PTDSS1: variants seen among roughly 807,000 people sequenced by gnomAD.
PTDSS1 encodes the protein phosphatidylserine synthase 1, also known as PSS-1.
PTDSS1 carries 45 observed loss-of-function variants against 70.5 expected under a neutral mutation model. That is an observed-to-expected ratio of 0.64 (90% confidence interval 0.50 to 0.82). The LOEUF (loss-of-function observed/expected upper bound fraction) is 0.82, where lower values mean the gene tolerates loss of function less well. Ranked by LOEUF, PTDSS1 falls within the 40% of genes least tolerant of loss-of-function variation. The pLI is 0.00. For missense variants in PTDSS1, 417 were observed against 586.1 expected, an observed-to-expected ratio of 0.71 and a Z score of 2.98; for synonymous variants, 188 against 203.8, an observed-to-expected ratio of 0.92 and a Z score of 0.66.
chr8:96,297,101 T>C (rs1810986537), intron 5 of PTDSS1, among the ~76,000 whole-genome samples: 1 of 152,222 alleles, frequency 6.6e-6, no homozygotes, highest in Non-Finnish European at 1.5e-5. Flanking sequence ...GTCTCTTCAC[T>C]ATTTATTGCC....
intron 2 of PTDSS1, among the ~76,000 whole-genome samples, chr8:96,275,912 C>A (rs1245974480): frequency 6.6e-6 from 1 of 152,176 alleles, no homozygotes. Flanking sequence ...TCTCTTATTT[C>A]TCTTATGTCC....
At chr8:96,317,113 CTG>C (rs1356671322) in intron 9 of PTDSS1, among the ~76,000 whole-genome samples, 1 of 150,324 alleles carries the variant, frequency 6.7e-6, no homozygotes, top group Non-Finnish European at 1.5e-5. Context: ...AGAGAGAAGA[CTG>C]TATTAAACCC....
Position 96,262,568 on chromosome 8 carries a change from C to T in PTDSS1, c.179+349C>T, listed in dbSNP as rs1397324988. Among the ~76,000 whole-genome samples the T allele has an allele frequency of 6.6e-6, 1 of 152,158 alleles. No individual in the cohort carries two copies. Among genetic ancestry groups the T allele is most frequent in the East Asian group, 1.9e-4 (1 of 5,190 alleles). ...CCCTCCTCTGCACTGCTCCAGCCTTCGTCCCTACCCAGCACACCGCATGAA... is the reference window on the plus strand; with the variant it reads ...CCCTCCTCTGCACTGCTCCAGCCTTTGTCCCTACCCAGCACACCGCATGAA... On this transcript the variant is annotated intron_variant, in intron 1 of 12. Transcript: ENST00000517309. The surrounding 1 kb of genome is among the most constrained non-coding windows in gnomAD (Gnocchi z 4.4).
At chr8:96,301,334 G>T (rs1173496661) in intron 6 of PTDSS1, among the ~76,000 whole-genome samples, 1 of 152,042 alleles carries the variant, frequency 6.6e-6, no homozygotes, top group African/African-American at 2.4e-5. Flanking sequence ...GACCTCAGGT[G>T]ATCACCCGCC....
chr8:96,274,911 G>A (rs183386724), intron 2 of PTDSS1, among the ~76,000 whole-genome samples: 10 of 152,232 alleles, frequency 6.6e-5, no homozygotes, highest in Non-Finnish European at 1.0e-4. Context: ...GTTCTACATA[G>A]CCAAGTTATT....
At chr8:96,303,415 G>A (rs1008521958) in intron 6 of PTDSS1, among the ~76,000 whole-genome samples, 2 of 152,096 alleles carry the variant, frequency 1.3e-5, no homozygotes, top group East Asian at 1.9e-4. Context: ...TGTTGGAGAC[G>A]TAAAAGTTCA....
chr8:96,305,571 C>T (rs1006777256), intron 7 of PTDSS1, among the ~76,000 whole-genome samples: 5 of 152,198 alleles, frequency 3.3e-5, no homozygotes, highest in African/African-American at 1.2e-4. Context: ...GAAACTTGGA[C>T]CAACCCTTCA....
At chr8:96,286,044 G>A (rs531032424) in intron 3 of PTDSS1, among the ~76,000 whole-genome samples, 2 of 152,268 alleles carry the variant, frequency 1.3e-5, no homozygotes, top group Admixed American at 6.5e-5. Flanking sequence ...GGCCAGGAGA[G>A]GGGTGCCTGT....
chr8:96,321,758 G>C (rs1285790970), intron 10 of PTDSS1, among the ~76,000 whole-genome samples: 1 of 151,858 alleles, frequency 6.6e-6, no homozygotes, highest in African/African-American at 2.4e-5. Flanking sequence ...CTATTTTTAG[G>C]GTTACTTGTT....
In PTDSS1 at chr8:96,317,909, G is replaced by GTATA. The variant is rs139248603; in HGVS notation, c.1074-2336_1074-2335insATAT. Among the ~76,000 whole-genome samples the GTATA allele has an allele frequency of 3.4e-3, 396 of 117,002 alleles. 3 individuals are homozygous for GTATA. Among genetic ancestry groups the GTATA allele is most frequent in the African/African-American group, 0.012 (353 of 28,676 alleles). The allele number at this position is 117,002 out of a possible 152,430, so 76.8% of individuals were successfully genotyped here. On this transcript the variant is annotated intron_variant, in intron 9 of 12. Coordinates refer to ENST00000517309, the MANE Select transcript of PTDSS1 (RefSeq NM_014754.3). Reference sequence around the variant, plus strand: ...TGTGTGTGTGTGTGTGTGTGTGTGTGTGTGTGTGTGTACACGCATGCGTAT... The same window carrying GTATA: ...TGTGTGTGTGTGTGTGTGTGTGTGTGTATATGTGTGTGTGTACACGCATGCGTAT...
chr8:96,275,180 T>C lies in PTDSS1; in HGVS notation c.271+1790T>C, dbSNP rs577486238. Among the ~76,000 whole-genome samples, 30 of 152,312 alleles carry C rather than the reference T, an allele frequency of 2.0e-4. No homozygotes were observed. The East Asian group carries it at 5.4e-3, about 27-fold the overall frequency. On this transcript the variant is annotated intron_variant, in intron 2 of 12. Transcript: ENST00000517309. ...AAATTTTAGAGATGGAGTCTTGCTG[T>C]GTTACCCAGGCTGGAGTGCAATAGC...
In PTDSS1 at chr8:96,293,107, G is replaced by A. The variant is rs555539930; in HGVS notation, c.442-1991G>A. Reference sequence around the variant, plus strand: ...GACACCCTTACACACATGCATGCACGTTCCGTGATCTGATTATGATTTTCA... The same window carrying A: ...GACACCCTTACACACATGCATGCACATTCCGTGATCTGATTATGATTTTCA... On this transcript the variant is annotated intron_variant, in intron 4 of 12. Transcript: ENST00000517309. Among the ~76,000 whole-genome samples the A allele has an allele frequency of 1.3e-4, 20 of 152,292 alleles. No individual in the cohort carries two copies. In the South Asian group the frequency reaches 1.4e-3, roughly 11 times the overall value.
At chr8:96,317,496 A>C (rs1811311899) in intron 9 of PTDSS1, among the ~76,000 whole-genome samples, 1 of 152,146 alleles carries the variant, frequency 6.6e-6, no homozygotes, top group Non-Finnish European at 1.5e-5. Flanking sequence ...GCACTTTGGG[A>C]AGCTGAGGTG....
In PTDSS1 at chr8:96,327,857, C is replaced by G. The variant is rs573327196; in HGVS notation, c.1174-2356C>G. Among the ~76,000 whole-genome samples the G allele has an allele frequency of 3.3e-5, 5 of 152,252 alleles. No individual in the cohort carries two copies. The East Asian group carries it at 7.7e-4, about 24-fold the overall frequency. The stretch of plus-strand genomic sequence containing the variant: ...CTCGCCCCCCCGCCCTTTCTTTAAA[C>G]GAAGTGTGCAATTGCTATTTTAAAT... On this transcript the variant is annotated intron_variant, in intron 10 of 12. Coordinates refer to ENST00000517309, the MANE Select transcript of PTDSS1 (RefSeq NM_014754.3).
Position 96,261,952 on chromosome 8 carries a change from C to G in PTDSS1, c.-89C>G, listed in dbSNP as rs1032796489. On this transcript the variant is annotated 5_prime_UTR_variant, in exon 1 of 13. Coordinates refer to ENST00000517309, the MANE Select transcript of PTDSS1 (RefSeq NM_014754.3). ...CGCCAGACCCGGCTTTGCCGTCCGGCTATTAGCCTACTGTGGCTAGTCACC... is the reference window on the plus strand; with the variant it reads ...CGCCAGACCCGGCTTTGCCGTCCGGGTATTAGCCTACTGTGGCTAGTCACC... 7.3e-7 allele frequency: 1 copy of G among 1,373,730 alleles called. No homozygotes were observed. The highest frequency in any genetic ancestry group is 1.4e-5 in the African/African-American group (1 of 69,190). The allele number at this position is 1,373,730 out of a possible 1,614,324, so 85.1% of individuals were successfully genotyped here. A position where few individuals can be genotyped will look rare whatever the true frequency, so the allele number is the denominator to read the frequency against.
intron 10 of PTDSS1, among the ~76,000 whole-genome samples, chr8:96,327,165 C>T (rs954432890): frequency 1.3e-5 from 2 of 152,048 alleles, no homozygotes; most frequent in Admixed American, 1.3e-4. Context: ...AGGATTTGGT[C>T]GTTGGTGGAA....
chr8:96,288,877 T>C (rs1366251805), intron 4 of PTDSS1, among the ~76,000 whole-genome samples: 1 of 151,200 alleles, frequency 6.6e-6, no homozygotes, highest in Non-Finnish European at 1.5e-5. Flanking sequence ...GATCCACACA[T>C]CTCAGCCTTC....
chr8:96,312,309 AG>A (rs1811224046), intron 9 of PTDSS1, among the ~76,000 whole-genome samples: 1 of 152,196 alleles, frequency 6.6e-6, no homozygotes, highest in South Asian at 2.1e-4. Flanking sequence ...TAAGTTAACC[AG>A]GCATGATGGC....
chr8:96,299,924 G>A lies in PTDSS1; in HGVS notation c.752+79G>A, dbSNP rs1811028515. 1.2e-5 allele frequency: 18 copies of A among 1,470,136 alleles called. 1 individual carries two copies. The South Asian group carries it at 2.0e-4, about 17-fold the overall frequency. 91.1% of individuals were successfully genotyped at this position (1,470,136 alleles called of 1,614,324 possible). A position where few individuals can be genotyped will look rare whatever the true frequency, so the allele number is the denominator to read the frequency against. On this transcript the variant is annotated intron_variant, in intron 6 of 12. Coordinates refer to ENST00000517309, the MANE Select transcript of PTDSS1 (RefSeq NM_014754.3). ...ATTGTTTTGGTAGGAATCCATTTTA[G>A]TATGATCTTTGATGATAAGGAATAA...
Sources: allele counts gnomAD v4.1 joint callset (sites outside exome capture counted in the v4.1 genomes callset), GRCh38; gene constraint gnomAD v4.1.1; non-coding constraint Gnocchi (gnomAD v3.1); transcripts MANE v1.5; gene names NCBI Gene and HGNC (gene_info 2026-07-23, HGNC 2026-07-21).